ITGA7: variants seen among roughly 807,000 people sequenced by gnomAD.
ITGA7 encodes the protein integrin alpha-7.
Under a neutral mutation model 131.6 loss-of-function variants are expected in ITGA7, and 84 were observed. The observed-to-expected ratio is 0.64, with a 90% confidence interval of 0.54 to 0.77. The LOEUF (loss-of-function observed/expected upper bound fraction) is 0.77. ITGA7 is among the 30% of genes least tolerant of loss of function. The pLI is 0.00. For synonymous variants in ITGA7, 548 were observed against 600.7 expected (o/e 0.91, Z 1.28); for missense variants, 1,399 against 1,482.9 (o/e 0.94, Z 0.93).
At chr12:55,686,959 C>T (rs956517079) in intron 24 of ITGA7, among the ~76,000 whole-genome samples, 3 of 152,106 alleles carry the variant, frequency 2.0e-5, no homozygotes, top group African/African-American at 4.8e-5. Context: ...TGCTGGACCC[C>T]ACCTACCTCA....
At chr12:55,696,553 G>A in intron 12 of ITGA7, 121 bp from the exon 13 acceptor site, 2 of 1,153,584 alleles carry the variant, frequency 1.7e-6, no homozygotes, top group South Asian at 1.3e-5. Flanking sequence ...AGATGAATGA[G>A]AGAGGTGGAG....
In ITGA7 at chr12:55,707,866, G is replaced by T; in HGVS notation, c.-184C>A. On this transcript the variant is annotated 5_prime_UTR_variant, in exon 1 of 25. Transcript: ENST00000257879. ...TCCGCCACCCCGCCGCCCCAGCACC[G>T]GCTAGGACAACTACAGCAGCCGCAG... is the stretch of plus-strand genomic sequence containing the variant. 7.3e-7 allele frequency: 1 copy of T among 1,374,206 alleles called. No homozygotes were observed. The highest frequency in any genetic ancestry group is 9.3e-7 in the Non-Finnish European group (1 of 1,075,398). The allele number at this position is 1,374,206 out of a possible 1,614,324, so 85.1% of individuals were successfully genotyped here. A position where few individuals can be genotyped will look rare whatever the true frequency, so the allele number is the denominator to read the frequency against.
At chr12:55,707,386 A>C in intron 1 of ITGA7, 91 bp downstream of exon 1, 1 of 1,038,142 alleles carries the variant, frequency 9.6e-7, no homozygotes. Context: ...TGGTGGGGCT[A>C]GAAAACAGAG....
intron 21 of ITGA7, among the ~76,000 whole-genome samples, chr12:55,691,102 T>G (rs1024191077): frequency 8.6e-5 from 13 of 151,076 alleles, no homozygotes; most frequent in African/African-American, 3.2e-4. Flanking sequence ...ACATGTACCC[T>G]AAAACTTAAA....
rs139773973 is a variant in ITGA7 at position 55,687,727 on chromosome 12, T to C, written c.3183+244A>G. Reference sequence around the variant, plus strand: ...CTGGTCTCGAACTCCTGACCTCAAGTGATCCACCTGCCTAGGCCTCCCAAA... The same window carrying C: ...CTGGTCTCGAACTCCTGACCTCAAGCGATCCACCTGCCTAGGCCTCCCAAA... On this transcript the variant is annotated intron_variant, in intron 24 of 24. Transcript: ENST00000257879. Among the ~76,000 whole-genome samples the C allele has an allele frequency of 0.017, 2,577 of 152,232 alleles. 28 individuals are homozygous for C. Among genetic ancestry groups the C allele is most frequent in the Middle Eastern group, 0.027 (8 of 294 alleles).
At position 55,707,662 on chromosome 12, in the gene ITGA7, G is replaced by T; in HGVS notation, c.21C>A (p.Arg7=). 6.3e-7 allele frequency: 1 copy of T among 1,582,018 alleles called. No individual in the cohort carries two copies. Among genetic ancestry groups the T allele is most frequent in the Non-Finnish European group, 8.6e-7 (1 of 1,163,950 alleles). Residue 7 remains arginine, a synonymous_variant, in exon 1 of 25, where the codon CGC becomes CGA. Transcript: ENST00000257879. The part of the protein sequence containing the change: MAGARS[R]DPWGASGICY... ...AAATCCCGGAGGCCCCCCAAGGGTC[G>T]CGGCTCCGAGCCCCGGCCATGGGAC...
chr12:55,708,063 C>T (rs972965882), upstream of ITGA7: 3 of 978,346 alleles, frequency 3.1e-6, no homozygotes, highest in South Asian at 4.7e-5. Flanking sequence ...CACCACCACG[C>T]CCCCCAAGCC....
Position 55,692,993 on chromosome 12 carries a change from G to T in ITGA7, c.2713-18C>A, listed in dbSNP as rs775028246. 6 of 1,613,836 alleles carry T rather than the reference G, an allele frequency of 3.7e-6. No individual in the cohort carries two copies. The highest frequency in any genetic ancestry group is 1.7e-5 in the Admixed American group (1 of 60,020). ...TCCACATCCTGGACACGGAAGGGGG[G>T]TCTTAGTGAGTGTCCCTCCAATCAC... On this transcript the variant is annotated intron_variant, in intron 20 of 24. Coordinates refer to ENST00000257879, the MANE Select transcript of ITGA7 (RefSeq NM_002206.3).
chr12:55,698,449 A>T lies in ITGA7; in HGVS notation c.1126T>A (p.Ser376Thr), dbSNP rs1178465464. The change falls in exon 7 of 25, where the codon TCC becomes ACC. Residue 376 changes from serine (S) to threonine (T), a missense_variant. Coordinates refer to ENST00000257879, the MANE Select transcript of ITGA7 (RefSeq NM_002206.3). ...AGISPLRLCG[S>T]PDSMFGISLA... Reference sequence around the variant, plus strand: ...CTGATCCCGAACATGGAGTCAGGGGAGCCGCAGAGCCGGAGAGGGGAGATC... The same window carrying T: ...CTGATCCCGAACATGGAGTCAGGGGTGCCGCAGAGCCGGAGAGGGGAGATC... 9 of 1,613,440 alleles carry T rather than the reference A, an allele frequency of 5.6e-6. No homozygotes were observed. Among genetic ancestry groups the T allele is most frequent in the Non-Finnish European group, 6.8e-6 (8 of 1,179,628 alleles).
upstream of ITGA7, among the ~76,000 whole-genome samples, chr12:55,715,019 C>T (rs962869656): frequency 6.6e-6 from 1 of 151,874 alleles, no homozygotes; most frequent in African/African-American, 2.4e-5. Flanking sequence ...TGCCACTACG[C>T]CTGGCTAAAT....
In ITGA7 at chr12:55,698,743, T is replaced by A; in HGVS notation, c.965A>T (p.Tyr322Phe). ...SGERLTSGFG[Y>F]SLAVADLNSD... ...GTTGAGGTCAGCCACAGCCAGTGAG[T>A]AGCCAAAGCCGGAGGTCAGGCGCTC... Residue 322 changes from tyrosine to phenylalanine, a missense_variant, in exon 6 of 25, where the codon TAC (tyrosine) becomes TTC (phenylalanine). Tyr to Phe is a conservative substitution (Grantham distance 22). Transcript: ENST00000257879. 6.2e-7 allele frequency: 1 copy of A among 1,613,914 alleles called. No individual in the cohort carries two copies. The highest frequency in any genetic ancestry group is 1.1e-5 in the South Asian group (1 of 91,074).
intron 1 of ITGA7, among the ~76,000 whole-genome samples, chr12:55,705,980 C>A (rs1193569454): frequency 2.6e-5 from 4 of 152,220 alleles, no homozygotes; most frequent in Non-Finnish European, 5.9e-5. Context: ...CGCCCCCCAG[C>A]AGCAGAGCAC....
chr12:55,693,360 C>CTTTT, intron 19 of ITGA7, 43 bp from the exon 20 acceptor site: 2 of 1,221,776 alleles, frequency 1.6e-6, no homozygotes, highest in Non-Finnish European at 2.3e-6. Flanking sequence ...CTCAGTTTTT[C>CTTTT]TTTTTTTTTT....
In ITGA7 at chr12:55,698,764, C is replaced by A. The variant is rs201994133; in HGVS notation, c.944G>T (p.Arg315Leu). ...LVPEVMLSGERLTSGFGYSLA... is the reference protein window; with the variant it reads ...LVPEVMLSGELLTSGFGYSLA... ...TGAGTAGCCAAAGCCGGAGGTCAGG[C>A]GCTCCCCAGACAGCATAACCTCGGG... Residue 315 changes from arginine (R) to leucine (L), a missense_variant, in exon 6 of 25, where the codon CGC (arginine) becomes CTC (leucine). By Grantham distance (102) the Arg-to-Leu change is moderately radical. Coordinates refer to ENST00000257879, the MANE Select transcript of ITGA7 (RefSeq NM_002206.3). The A allele has an allele frequency of 1.2e-5, 20 of 1,614,016 alleles. No homozygotes were observed. Among genetic ancestry groups the A allele is most frequent in the Non-Finnish European group, 1.7e-5 (20 of 1,180,010 alleles).
intron 1 of ITGA7, among the ~76,000 whole-genome samples, chr12:55,704,473 G>A (rs558862843): frequency 2.6e-5 from 4 of 152,288 alleles, no homozygotes; most frequent in East Asian, 1.9e-4. Flanking sequence ...GCCAAGCCCT[G>A]TGTCAGGCGC....
At chr12:55,689,619 C>T (rs527283132) in intron 21 of ITGA7, among the ~76,000 whole-genome samples, 18 of 152,364 alleles carry the variant, frequency 1.2e-4, no homozygotes, top group African/African-American at 4.1e-4. Flanking sequence ...GATCCAGACA[C>T]AGAAGAATGG....
At position 55,694,317 on chromosome 12, in the gene ITGA7, C is replaced by G; in HGVS notation, c.2371G>C (p.Glu791Gln). The change falls in exon 18 of 25, where the codon GAG becomes CAG. Residue 791 changes from glutamate (E) to glutamine (Q), a missense_variant. By Grantham distance (29) the Glu-to-Gln change is conservative. Transcript: ENST00000257879. This position sits in a 1 kb window ranked among gnomAD's most constrained non-coding sequence, Gnocchi z 5.3. Reference protein sequence around the residue: ...ELLLATISEQELHPVSARARV... With the variant: ...ELLLATISEQQLHPVSARARV... Reference sequence around the variant, plus strand: ...GCTCGTGCAGAGACTGGATGCAGCTCCTGCTCACTGATCCTGGTGAGTGGG... The same window carrying G: ...GCTCGTGCAGAGACTGGATGCAGCTGCTGCTCACTGATCCTGGTGAGTGGG... The G allele has an allele frequency of 6.2e-7, 1 of 1,613,890 alleles. No homozygotes were observed. Among genetic ancestry groups the G allele is most frequent in the Non-Finnish European group, 8.5e-7 (1 of 1,180,034 alleles).
chr12:55,703,760 C>T (rs1235537285), intron 1 of ITGA7, among the ~76,000 whole-genome samples: 1 of 152,178 alleles, frequency 6.6e-6, no homozygotes. Flanking sequence ...GCTGTGCCAG[C>T]CCAGGATTCC....
intron 24 of ITGA7, among the ~76,000 whole-genome samples, chr12:55,687,169 CTTTTTTTTTTTTT>C (rs1187388992): frequency 3.4e-5 from 3 of 88,174 alleles, no homozygotes; most frequent in African/African-American, 1.8e-4. Flanking sequence ...CATCTGATTT[CTTTTTTTTTTTTT>C]TTTTTTTTTT....
Sources: allele counts gnomAD v4.1 joint callset (sites outside exome capture counted in the v4.1 genomes callset), GRCh38; gene constraint gnomAD v4.1.1; non-coding constraint Gnocchi (gnomAD v3.1); transcripts MANE v1.5; gene names NCBI Gene and HGNC (gene_info 2026-07-23, HGNC 2026-07-21).